SAMD3: variants seen among roughly 807,000 people sequenced by gnomAD.
SAMD3 encodes the protein sterile alpha motif domain-containing protein 3.
Under a neutral mutation model 58.5 loss-of-function variants are expected in SAMD3, and 63 were observed. The ratio of observed to expected loss-of-function variants is 1.08; its 90% CI spans 0.88 to 1.33. The LOEUF (loss-of-function observed/expected upper bound fraction) is 1.33. Ranked by LOEUF, SAMD3 falls within the 40% of genes most tolerant of loss-of-function variation. SAMD3 has a pLI of 0.00. For synonymous variants in SAMD3, 220 were observed against 210.3 expected (o/e 1.05, Z -0.40); for missense variants, 604 against 608.4 (o/e 0.99, Z 0.08).
intron 11 of SAMD3, among the ~76,000 whole-genome samples, 166 bp downstream of exon 11, chr6:130,145,174 G>C (rs555736870): frequency 6.6e-6 from 1 of 152,158 alleles, no homozygotes; most frequent in Non-Finnish European, 1.5e-5. Flanking sequence ...CACGAGAATC[G>C]CTTGAACCAG....
intron 5 of SAMD3, among the ~76,000 whole-genome samples, chr6:130,203,122 G>A (rs534306105): frequency 6.6e-5 from 10 of 152,252 alleles, no homozygotes; most frequent in African/African-American, 2.2e-4. Flanking sequence ...GACACTGCTG[G>A]CCTACCTGCA....
chr6:130,145,716 C>T (rs1311443475), intron 10 of SAMD3, among the ~76,000 whole-genome samples: 1 of 152,098 alleles, frequency 6.6e-6, no homozygotes, highest in Non-Finnish European at 1.5e-5. Context: ...TAACTGGTTA[C>T]TAGTTCCCTA....
At chr6:130,271,491 G>T (rs941746877) in intron 2 of SAMD3, among the ~76,000 whole-genome samples, 1 of 151,902 alleles carries the variant, frequency 6.6e-6, no homozygotes, top group Non-Finnish European at 1.5e-5. Context: ...TATTTCCTTT[G>T]TCCATAATCT....
At position 130,327,751 on chromosome 6, in the gene SAMD3, T is replaced by C. The variant is rs191472520; in HGVS notation, c.-303-14658A>G. Among the ~76,000 whole-genome samples the C allele has an allele frequency of 2.5e-3, 380 of 152,322 alleles. 1 individual carries two copies. The highest frequency in any genetic ancestry group is 4.5e-3 in the Admixed American group (69 of 15,294). On this transcript the variant is annotated intron_variant, in intron 1 of 13. Coordinates refer to the SAMD3 transcript ENST00000368134. Reference sequence around the variant, plus strand: ...GAGAAGTATGCATCCAGCATTATGCTAAATGTAAGATACTTTTTAACATTT... The same window carrying C: ...GAGAAGTATGCATCCAGCATTATGCCAAATGTAAGATACTTTTTAACATTT...
chr6:130,173,051 C>T (rs776193496), intron 8 of SAMD3, among the ~76,000 whole-genome samples: 2 of 152,158 alleles, frequency 1.3e-5, no homozygotes, highest in Non-Finnish European at 2.9e-5. Flanking sequence ...TCCATCAGGT[C>T]ATTTATGTTC....
rs186573397 is a variant in SAMD3, at chr6:130,309,365, C to T, written c.-188+3613G>A. 1.0e-3 allele frequency among the ~76,000 whole-genome samples: 152 copies of T among 152,216 alleles called. 1 individual carries two copies. Among genetic ancestry groups the T allele is most frequent in the Middle Eastern group, 6.8e-3 (2 of 292 alleles). On this transcript the variant is annotated intron_variant, in intron 2 of 13. Coordinates refer to the SAMD3 transcript ENST00000368134. ...CTGTAAAATGGGTATAATAATATCC[C>T]CCACTTCACAGGGCTTTTGTGGGAA...
intron 2 of SAMD3, among the ~76,000 whole-genome samples, chr6:130,241,665 T>C (rs1359549178): frequency 6.6e-6 from 1 of 152,072 alleles, no homozygotes; most frequent in East Asian, 1.9e-4. Context: ...AAAATGGAAA[T>C]ATTTTAATAC....
chr6:130,150,391 G>C (rs1201912378), intron 9 of SAMD3, among the ~76,000 whole-genome samples: 2 of 152,152 alleles, frequency 1.3e-5, no homozygotes, highest in African/African-American at 4.8e-5. Flanking sequence ...ATGGGTCCAG[G>C]AACCAAGAGT....
At chr6:130,210,002 C>T (rs1795394460) in intron 4 of SAMD3, among the ~76,000 whole-genome samples, 1 of 152,186 alleles carries the variant, frequency 6.6e-6, no homozygotes, top group Non-Finnish European at 1.5e-5. Flanking sequence ...TTTTGGGAGA[C>T]ATTTTATTAT....
At chr6:130,333,044 C>CGT (rs10529435) in intron 1 of SAMD3, among the ~76,000 whole-genome samples, 34,593 of 143,084 alleles carry the variant, frequency 0.24, 4,766 homozygotes, top group Non-Finnish European at 0.32. Context: ...GTTGAGTATG[C>CGT]GTGTGTGTGT....
chr6:130,166,118 A>G (rs1214458110), intron 8 of SAMD3, among the ~76,000 whole-genome samples: 1 of 152,050 alleles, frequency 6.6e-6, no homozygotes, highest in Non-Finnish European at 1.5e-5. Flanking sequence ...TTGGTTTAAC[A>G]CTTCCTCCAT....
chr6:130,247,211 C>T (rs1355221978), intron 2 of SAMD3, among the ~76,000 whole-genome samples: 5 of 151,768 alleles, frequency 3.3e-5, no homozygotes, highest in South Asian at 4.2e-4. Flanking sequence ...GGCTCACGCC[C>T]GTAATCCCAA....
At chr6:130,169,142 G>A (rs112605817) in intron 8 of SAMD3, among the ~76,000 whole-genome samples, 96 of 152,190 alleles carry the variant, frequency 6.3e-4, no homozygotes, top group African/African-American at 2.0e-3. Context: ...AGGAGCTATC[G>A]ACGGAAGAAG....
In SAMD3 at chr6:130,214,010, A is replaced by G. The variant is rs539145633; in HGVS notation, c.269+327T>C. ...ATCAAGATGCCTTTCCCAAACCCTGATTTTAAAACCAGAGCTTCAGGATCC... is the reference window on the plus strand; with the variant it reads ...ATCAAGATGCCTTTCCCAAACCCTGGTTTTAAAACCAGAGCTTCAGGATCC... On this transcript the variant is annotated intron_variant, in intron 4 of 11. Coordinates refer to ENST00000439090, the MANE Select transcript of SAMD3 (RefSeq NM_001017373.4). Among the ~76,000 whole-genome samples, 26 of 152,294 alleles carry G rather than the reference A, an allele frequency of 1.7e-4. No individual in the cohort carries two copies. The South Asian group carries it at 4.8e-3, about 28-fold the overall frequency.
At chr6:130,286,910 A>G (rs929729716) in intron 2 of SAMD3, among the ~76,000 whole-genome samples, 1 of 152,096 alleles carries the variant, frequency 6.6e-6, no homozygotes, top group Admixed American at 6.6e-5. Flanking sequence ...GGGTTTCACC[A>G]TGCTGCCCAG....
intron 2 of SAMD3, among the ~76,000 whole-genome samples, chr6:130,264,996 T>C (rs1248635858): frequency 6.6e-6 from 1 of 152,202 alleles, no homozygotes; most frequent in Non-Finnish European, 1.5e-5. Context: ...AATGGCCTTG[T>C]TAGCACAAGA....
intron 1 of SAMD3, among the ~76,000 whole-genome samples, chr6:130,329,755 G>C (rs764899618): frequency 6.6e-6 from 1 of 152,180 alleles, no homozygotes; most frequent in Non-Finnish European, 1.5e-5. Context: ...ATGAGTTCAT[G>C]TCCTTTGCAG....
chr6:130,162,887 G>A (rs193249096), intron 8 of SAMD3, among the ~76,000 whole-genome samples: 6 of 152,292 alleles, frequency 3.9e-5, no homozygotes, highest in Admixed American at 2.0e-4. Context: ...TTCTGAGCAC[G>A]TGAAATGTGA....
chr6:130,182,616 G>C (rs1792472079), intron 7 of SAMD3, among the ~76,000 whole-genome samples: 1 of 147,188 alleles, frequency 6.8e-6, no homozygotes, highest in South Asian at 2.3e-4. Flanking sequence ...AGGAAGGAGG[G>C]AAGAAAGAAG....
Sources: allele counts gnomAD v4.1 joint callset (sites outside exome capture counted in the v4.1 genomes callset), GRCh38; gene constraint gnomAD v4.1.1; transcripts MANE v1.5; gene names NCBI Gene and HGNC (gene_info 2026-07-23, HGNC 2026-07-21).